Variants in PHLDB3 observed in about 807,000 individuals in gnomAD.
PHLDB3 encodes pleckstrin homology like domain family B member 3.
Under a neutral mutation model 85.7 loss-of-function variants are expected in PHLDB3, and 86 were observed. That is an observed-to-expected ratio of 1.00 (90% CI 0.84 to 1.20). The LOEUF is 1.20. PHLDB3 is among the 50% of genes most tolerant of loss of function. The probability of loss-of-function intolerance (pLI) is 0.00; values close to 1 mark genes in which losing one functional copy is unlikely to be tolerated. For missense variants in PHLDB3, 995 were observed against 873.0 expected (o/e 1.14, Z -1.76); for synonymous variants, 376 against 349.8 (o/e 1.07, Z -0.83).
At position 43,475,244 on chromosome 19, in the gene PHLDB3, G is replaced by C. The variant is rs2122436624; in HGVS notation, c.*166C>G. ...TCGGGGGCAAGGCACCTGCAACCCA[G>C]AACGCAGCAGCTCAGGCCAGCTGAA... On this transcript the variant is annotated 3_prime_UTR_variant, in exon 16 of 16. Transcript: ENST00000292140. The C allele has an allele frequency of 2.0e-6, 2 of 984,372 alleles. No homozygotes were observed. The highest frequency in any genetic ancestry group is 2.9e-6 in the Non-Finnish European group (2 of 689,378). 61.0% of individuals were successfully genotyped at this position (984,372 alleles called of 1,614,324 possible).
intron 7 of PHLDB3, 30 bp from the exon 8 acceptor site, chr19:43,495,369 A>C: frequency 6.2e-7 from 1 of 1,609,036 alleles, no homozygotes; most frequent in Non-Finnish European, 8.5e-7. Context: ...GCTACGTGTC[A>C]AAGTCAGAAT....
chr19:43,490,701 G>A (rs1225055591), intron 9 of PHLDB3, among the ~76,000 whole-genome samples: 1 of 152,138 alleles, frequency 6.6e-6, no homozygotes, highest in African/African-American at 2.4e-5. Context: ...TTCCTAGCTG[G>A]GAGATATTAG....
chr19:43,492,479 T>C (rs1454422794), intron 9 of PHLDB3, among the ~76,000 whole-genome samples: 2 of 152,104 alleles, frequency 1.3e-5, no homozygotes, highest in Non-Finnish European at 2.9e-5. Context: ...CCTCCCAAAA[T>C]GCTGGGGTTA....
intron 15 of PHLDB3, among the ~76,000 whole-genome samples, chr19:43,477,094 G>A (rs1970942806): frequency 1.3e-5 from 2 of 152,160 alleles, no homozygotes; most frequent in South Asian, 2.1e-4. Flanking sequence ...CATGAGCCAC[G>A]ACGCCTGGCA....
rs755040649 is a variant in PHLDB3, at chr19:43,486,243, G to A, written c.1485+23C>T. Reference sequence around the variant, plus strand: ...AGAAACAGAGCAGGGAGAGGTGGGCGTGAGGGCGGGGGTGGGACTGACCGT... The same window carrying A: ...AGAAACAGAGCAGGGAGAGGTGGGCATGAGGGCGGGGGTGGGACTGACCGT... On this transcript the variant is annotated intron_variant, in intron 13 of 15. Transcript: ENST00000292140. 1.0e-5 allele frequency: 16 copies of A among 1,600,390 alleles called. No individual in the cohort carries two copies. In the East Asian group the frequency reaches 1.3e-4, roughly 13 times the overall value.
At chr19:43,491,237 A>G (rs1971305052) in intron 9 of PHLDB3, among the ~76,000 whole-genome samples, 1 of 152,218 alleles carries the variant, frequency 6.6e-6, no homozygotes, top group Admixed American at 6.5e-5. Context: ...CAGGGGAAGC[A>G]GCCAGAAAGT....
Position 43,504,131 on chromosome 19 carries a change from T to C in PHLDB3, c.-13A>G. 1 of 1,577,574 alleles carries C rather than the reference T, an allele frequency of 6.3e-7. No individual in the cohort carries two copies. The highest frequency in any genetic ancestry group is 8.6e-7 in the Non-Finnish European group (1 of 1,163,260). On this transcript the variant is annotated splice_region_variant and 5_prime_UTR_variant, in exon 2 of 16. Coordinates refer to ENST00000292140, the MANE Select transcript of PHLDB3 (RefSeq NM_198850.4). ...TTCGCGTCCCCATGGCCGCTGGGAC[T>C]CCTGCGGGGTGGGCGGGACCAGAAG...
chr19:43,501,175 C>CTTT (rs59042804), intron 4 of PHLDB3, among the ~76,000 whole-genome samples: 44 of 83,594 alleles, frequency 5.3e-4, no homozygotes, highest in African/African-American at 7.5e-4. Flanking sequence ...TTCTTTTTCT[C>CTTT]TTTTTTTTTT....
chr19:43,504,069 G>T lies in PHLDB3; in HGVS notation c.50C>A (p.Pro17Gln), dbSNP rs147649189. The T allele has an allele frequency of 2.5e-6, 4 of 1,612,900 alleles. No individual in the cohort carries two copies. The highest frequency in any genetic ancestry group is 3.4e-6 in the Non-Finnish European group (4 of 1,179,530). Residue 17 changes from proline (P) to glutamine (Q), a missense_variant, in exon 2 of 16, where the codon CCG becomes CAG. Pro to Gln is a moderately conservative substitution (Grantham distance 76, BLOSUM62 -1). Transcript: ENST00000292140. ...PEEGTPPPLV[P>Q]ECDVEVQPQG... The stretch of plus-strand genomic sequence containing the variant: ...GGGCTGGACCTCCACGTCGCATTCC[G>T]GGACCAGCGGCGGCGGGGTCCCCTC...
chr19:43,482,640 C>T (rs540521175), intron 13 of PHLDB3, among the ~76,000 whole-genome samples: 3 of 152,252 alleles, frequency 2.0e-5, no homozygotes, highest in South Asian at 4.2e-4. Flanking sequence ...CCAGTTCAAG[C>T]GATTCTCCTG....
intron 9 of PHLDB3, among the ~76,000 whole-genome samples, chr19:43,487,905 G>C (rs1568477698): frequency 6.6e-6 from 1 of 152,120 alleles, no homozygotes; most frequent in East Asian, 1.9e-4. Context: ...TGTAATCCCA[G>C]CACTTTGGGA....
chr19:43,494,714 G>A lies in PHLDB3; in HGVS notation c.1137C>T (p.His379=). ...GTGGGGGAGGCACCTGCAGGGAGCT[G>A]TGGACAGAAAAGAGGCAGGAAGAAG... ...TPTSSCLFSV[H]SSLQGSIGLQ... Residue 379 remains histidine, a synonymous_variant, in exon 9 of 16, where the codon CAC becomes CAT. Transcript: ENST00000292140. 6.2e-7 allele frequency: 1 copy of A among 1,611,956 alleles called. No individual in the cohort carries two copies. The highest frequency in any genetic ancestry group is 8.5e-7 in the Non-Finnish European group (1 of 1,178,964).
chr19:43,477,905 C>G (rs1477560701), intron 15 of PHLDB3, 142 bp downstream of exon 15: 2 of 530,388 alleles, frequency 3.8e-6, no homozygotes, highest in Non-Finnish European at 6.6e-6. Flanking sequence ...TTTGTTTTCT[C>G]TGCGACAAAC....
At chr19:43,478,590 C>A (rs1255174009) in intron 14 of PHLDB3, among the ~76,000 whole-genome samples, 1 of 152,094 alleles carries the variant, frequency 6.6e-6, no homozygotes, top group Non-Finnish European at 1.5e-5. Flanking sequence ...AATGGTCATA[C>A]AGGTTAGGGA....
intron 4 of PHLDB3, among the ~76,000 whole-genome samples, chr19:43,501,250 C>G (rs984156935): frequency 1.5e-4 from 19 of 130,402 alleles, no homozygotes; most frequent in African/African-American, 5.0e-4. Flanking sequence ...ATGGTGCGAT[C>G]TTGGCTCACT....
intron 9 of PHLDB3, among the ~76,000 whole-genome samples, chr19:43,487,591 A>AAAAAAAAAAAAAAAAAAATAAAAAAAAAC (rs1167897767): frequency 8.6e-6 from 1 of 115,770 alleles, no homozygotes; most frequent in African/African-American, 3.1e-5. Flanking sequence ...AAAAAAAAAA[A>AAAAAAAAAAAAAAAAAAATAAAAAAAAAC]ACACAGAAAA....
chr19:43,503,550 C>T (rs1274247659), intron 2 of PHLDB3, among the ~76,000 whole-genome samples: 1 of 152,012 alleles, frequency 6.6e-6, no homozygotes, highest in Admixed American at 6.6e-5. Flanking sequence ...CTTAAGCAAT[C>T]CTCCCCTCGG....
intron 13 of PHLDB3, among the ~76,000 whole-genome samples, chr19:43,480,359 A>G (rs1971020681): frequency 6.7e-6 from 1 of 150,170 alleles, no homozygotes; most frequent in African/African-American, 2.5e-5. Context: ...GGGAAGCTGA[A>G]GTGGGAGGAT....
chr19:43,497,072 CAGAG>C, intron 6 of PHLDB3, 42 bp downstream of exon 6: 1 of 1,394,726 alleles, frequency 7.2e-7, no homozygotes, highest in Non-Finnish European at 9.3e-7. Flanking sequence ...GCAGGGGAGA[CAGAG>C]AGGAGCAGCA....
Sources: gnomAD v4.1 joint callset for allele counts (sites outside exome capture counted in the v4.1 genomes callset) on GRCh38, gnomAD v4.1.1 for gene constraint, MANE v1.5 for transcripts, NCBI Gene and HGNC (gene_info 2026-07-23, HGNC 2026-07-21) for gene names.